TAOK1: variants seen among roughly 807,000 people sequenced by gnomAD.
TAOK1 encodes TAO kinase 1.
TAOK1 carries 21 observed loss-of-function variants against 138.3 expected under a neutral mutation model. The ratio of observed to expected loss-of-function variants is 0.15; its 90% confidence interval spans 0.11 to 0.22. The LOEUF is 0.22. TAOK1 is among the 10% of genes least tolerant of loss of function. The pLI is 1.00. For missense variants in TAOK1, 651 were observed against 1,227.7 expected (o/e 0.53, Z 7.02); for synonymous variants, 361 against 398.4 (o/e 0.91, Z 1.12).
At chr17:29,461,736 ATG>A (rs1185615135) in intron 2 of TAOK1, among the ~76,000 whole-genome samples, 2 of 151,098 alleles carry the variant, frequency 1.3e-5, no homozygotes, top group East Asian at 3.9e-4. Context: ...GTGTAATGAA[ATG>A]TAGAGAGCGA....
intron 1 of TAOK1, among the ~76,000 whole-genome samples, chr17:29,401,315 C>T (rs1461608136): frequency 7.9e-5 from 12 of 152,086 alleles, no homozygotes; most frequent in African/African-American, 2.7e-4. Flanking sequence ...AATGTGCTCA[C>T]GGTTCTGTGG....
intron 1 of TAOK1, among the ~76,000 whole-genome samples, chr17:29,447,344 A>C (rs1205248282): frequency 6.6e-6 from 1 of 151,968 alleles, no homozygotes; most frequent in Admixed American, 6.6e-5. Flanking sequence ...AGTTTATCTT[A>C]TTATTTGAGA....
intron 7 of TAOK1, 101 bp from the exon 8 acceptor site, chr17:29,482,096 G>A (rs1255340391): frequency 1.8e-4 from 143 of 805,130 alleles, no homozygotes; most frequent in African/African-American, 1.7e-5. Context: ...ATATTGGCTA[G>A]AATTCAAACC....
chr17:29,423,127 C>T, intron 1 of TAOK1, among the ~76,000 whole-genome samples: 3 of 139,574 alleles, frequency 2.1e-5, no homozygotes, highest in Admixed American at 7.1e-5. Flanking sequence ...TCATTATTTC[C>T]TTTTGCTGTG....
intron 2 of TAOK1, among the ~76,000 whole-genome samples, chr17:29,457,340 T>G (rs1164391285): frequency 7.4e-6 from 1 of 135,372 alleles, no homozygotes; most frequent in Non-Finnish European, 1.6e-5. Flanking sequence ...TGACCTCAGG[T>G]GATCCGCCCG....
intron 1 of TAOK1, among the ~76,000 whole-genome samples, chr17:29,425,631 T>A (rs571359528): frequency 5.9e-5 from 9 of 152,216 alleles, no homozygotes; most frequent in Admixed American, 5.2e-4. Context: ...ACCACTGCAT[T>A]CCAGCCTGGG....
chr17:29,485,218 T>A (rs182658554), intron 8 of TAOK1, among the ~76,000 whole-genome samples: 1 of 152,336 alleles, frequency 6.6e-6, no homozygotes, highest in African/African-American at 2.4e-5. Flanking sequence ...TAGTTTGTTA[T>A]TCAAGCTGCA....
intron 1 of TAOK1, among the ~76,000 whole-genome samples, chr17:29,437,934 A>G (rs1301761883): frequency 6.6e-6 from 1 of 151,956 alleles, no homozygotes; most frequent in Non-Finnish European, 1.5e-5. Context: ...GAGTTTCATC[A>G]TGTTGGCCAG....
At chr17:29,528,091 C>T (rs1203326270) in intron 17 of TAOK1, among the ~76,000 whole-genome samples, 1 of 151,966 alleles carries the variant, frequency 6.6e-6, no homozygotes, top group Non-Finnish European at 1.5e-5. Flanking sequence ...ACTCTGTTGC[C>T]CAGGCTGGAG....
intron 17 of TAOK1, among the ~76,000 whole-genome samples, chr17:29,522,973 G>A (rs1406149253): frequency 1.3e-5 from 2 of 151,848 alleles, no homozygotes; most frequent in Non-Finnish European, 1.5e-5. Flanking sequence ...TACTCGGGGG[G>A]CTGAAGCAGG....
At chr17:29,392,807 A>C (rs1404358998) in intron 1 of TAOK1, among the ~76,000 whole-genome samples, 1 of 152,220 alleles carries the variant, frequency 6.6e-6, no homozygotes, top group Non-Finnish European at 1.5e-5. Flanking sequence ...TTCAAATGCC[A>C]TCTACATTTT....
intron 4 of TAOK1, among the ~76,000 whole-genome samples, chr17:29,477,436 T>C (rs2030968844): frequency 6.6e-6 from 1 of 151,916 alleles, no homozygotes. Context: ...GGCTTGACTT[T>C]ATGCATTTAA....
At chr17:29,471,276 CTTTTTTTTTTTT>C (rs759764241) in intron 3 of TAOK1, among the ~76,000 whole-genome samples, 4 of 81,846 alleles carry the variant, frequency 4.9e-5, no homozygotes, top group South Asian at 8.3e-4. Flanking sequence ...TATTTTCTTT[CTTTTTTTTTTTT>C]TTTTTTTTTT....
rs1222428642 is a variant in TAOK1 at position 29,496,733 on chromosome 17, G to T, written c.999+1006G>T. On this transcript the variant is annotated intron_variant, in intron 11 of 19. Coordinates refer to ENST00000261716, the MANE Select transcript of TAOK1 (RefSeq NM_020791.4). ...CTCCCGAATAGCTGGGACTACAGGT[G>T]CGCCACCACGCCCAACTAATTTTTT... 2.6e-5 allele frequency among the ~76,000 whole-genome samples: 4 copies of T among 151,256 alleles called. No homozygotes were observed. The Admixed American group carries it at 2.6e-4, about 10-fold the overall frequency.
At chr17:29,435,819 C>T (rs1161821695) in intron 1 of TAOK1, among the ~76,000 whole-genome samples, 1 of 152,188 alleles carries the variant, frequency 6.6e-6, no homozygotes, top group Non-Finnish European at 1.5e-5. Flanking sequence ...ATTGCAAATA[C>T]TTATATTGCC....
chr17:29,400,165 G>A (rs1166683656), intron 1 of TAOK1, among the ~76,000 whole-genome samples: 1 of 152,034 alleles, frequency 6.6e-6, no homozygotes, highest in African/African-American at 2.4e-5. Flanking sequence ...AGGCCGAGGT[G>A]GGTGGATTGC....
At chr17:29,497,935 AT>A (rs1216681152) in intron 11 of TAOK1, among the ~76,000 whole-genome samples, 1 of 151,674 alleles carries the variant, frequency 6.6e-6, no homozygotes, top group Non-Finnish European at 1.5e-5. Context: ...AAAAGGAGAG[AT>A]TTGTATTAAC....
At chr17:29,459,736 C>G (rs186917188) in intron 2 of TAOK1, among the ~76,000 whole-genome samples, 1 of 152,140 alleles carries the variant, frequency 6.6e-6, no homozygotes, top group African/African-American at 2.4e-5. Flanking sequence ...TTTGATAATA[C>G]TAATTTCCTT....
Position 29,534,106 on chromosome 17 carries a change from TC to T in TAOK1, c.2362-11del. On this transcript the variant is annotated splice_polypyrimidine_tract_variant and intron_variant, in intron 18 of 19. Coordinates refer to ENST00000261716, the MANE Select transcript of TAOK1 (RefSeq NM_020791.4). ...TATATCTTTTTTTTTTCTCTCTCTC[TC>T]TCTGTCTCAGCTGCGTTTGGATGAA... is the stretch of plus-strand genomic sequence containing the variant. 1 of 1,588,094 alleles carries T rather than the reference TC, an allele frequency of 6.3e-7. No homozygotes were observed.
Sources: gnomAD v4.1 joint callset for allele counts (sites outside exome capture counted in the v4.1 genomes callset) on GRCh38, gnomAD v4.1.1 for gene constraint, MANE v1.5 for transcripts, NCBI Gene and HGNC (gene_info 2026-07-23, HGNC 2026-07-21) for gene names.